Variants in PAPLN observed in about 807,000 individuals in gnomAD.
The protein encoded by PAPLN is papilin.
A neutral mutation model predicts 159.0 loss-of-function variants in PAPLN; 146 were observed. That is an observed-to-expected ratio of 0.92 (90% confidence interval 0.80 to 1.05). The LOEUF is 1.05. Ranked by LOEUF, PAPLN falls within the 50% of genes least tolerant of loss-of-function variation. The pLI, the probability that PAPLN is intolerant of heterozygous loss-of-function variation, is 0.00. For synonymous variants in PAPLN, 734 were observed against 702.9 expected (o/e 1.04, Z -0.70); for missense variants, 1,720 against 1,743.9 (o/e 0.99, Z 0.24).
chr14:73,254,713 C>T lies in PAPLN; in HGVS notation c.1485+18C>T. Reference sequence around the variant, plus strand: ...GGGGTCTAGTGAGTGCTCTCCACCCCCACACCTGCTGCCTGACCCTGGTCT... The same window carrying T: ...GGGGTCTAGTGAGTGCTCTCCACCCTCACACCTGCTGCCTGACCCTGGTCT... On this transcript the variant is annotated intron_variant, in intron 13 of 26. Coordinates refer to ENST00000644200, the MANE Select transcript of PAPLN (RefSeq NM_001365906.3). 1 of 1,609,870 alleles carries T rather than the reference C, an allele frequency of 6.2e-7. No homozygotes were observed. The highest frequency in any genetic ancestry group is 8.5e-7 in the Non-Finnish European group (1 of 1,177,228).
rs149765386 is a variant in PAPLN, at chr14:73,264,266, G to A, written c.2917G>A (p.Ala973Thr). 108 of 1,613,982 alleles carry A rather than the reference G, an allele frequency of 6.7e-5. No homozygotes were observed. The highest frequency in any genetic ancestry group is 2.8e-4 in the African/African-American group (21 of 75,018). ...CATCCACCCCCTGCAGGCAGAGGAC[G>A]CGGGCACCTACAGCTGTGGCAGCAC... Reference protein sequence around the residue: ...LIIHPLQAEDAGTYSCGSTRP... With the variant: ...LIIHPLQAEDTGTYSCGSTRP... Residue 973 changes from alanine to threonine, a missense_variant, in exon 21 of 27, where the codon GCG becomes ACG. Physicochemically the swap from Ala to Thr is moderately conservative, Grantham distance 58. Coordinates refer to ENST00000644200, the MANE Select transcript of PAPLN (RefSeq NM_001365906.3).
chr14:73,264,028 TCCACCTCCG>T (rs1886930686), intron 20 of PAPLN, 174 bp from the exon 21 acceptor site: 8 of 1,397,128 alleles, frequency 5.7e-6, no homozygotes, highest in East Asian at 3.4e-5. Context: ...GACAGCTCCC[TCCACCTCCG>T]CTGACAGGTG....
At chr14:73,263,829 CT>C (rs765564177) in intron 20 of PAPLN, 47 bp downstream of exon 20, 3 of 1,559,478 alleles carry the variant, frequency 1.9e-6, no homozygotes, top group Non-Finnish European at 2.6e-6. Flanking sequence ...GACAGCCCCC[CT>C]ACCTTCCCTG....
intron 2 of PAPLN, 145 bp downstream of exon 2, chr14:73,239,977 C>G: frequency 7.1e-7 from 1 of 1,410,258 alleles, no homozygotes; most frequent in Non-Finnish European, 9.2e-7. Flanking sequence ...CCGCTGAGCT[C>G]CCTCAGAAAG....
In PAPLN at chr14:73,253,796, A is replaced by G; in HGVS notation, c.1137A>G (p.Gly379=). ...GGGCACCCTGCTCAGCCTCCTGTGGAGGAGGCTCCCAGTCCCGCTCCGTGT... is the reference window on the plus strand; with the variant it reads ...GGGCACCCTGCTCAGCCTCCTGTGGGGGAGGCTCCCAGTCCCGCTCCGTGT... ...GPWAPCSASC[G]GGSQSRSVYC... Residue 379 remains glycine (G), a synonymous_variant, in exon 12 of 27, where the codon GGA becomes GGG. Transcript: ENST00000644200. 1 of 1,609,970 alleles carries G rather than the reference A, an allele frequency of 6.2e-7. No homozygotes were observed. Among genetic ancestry groups the G allele is most frequent in the Non-Finnish European group, 8.5e-7 (1 of 1,177,106 alleles).
At chr14:73,264,025 C>T (rs756343675) in intron 20 of PAPLN, 186 bp from the exon 21 acceptor site, 82 of 1,525,542 alleles carry the variant, frequency 5.4e-5, no homozygotes, top group Non-Finnish European at 4.7e-5. Context: ...CGTGACAGCT[C>T]CCTCCACCTC....
intron 22 of PAPLN, 29 bp downstream of exon 22, chr14:73,264,755 T>C (rs1249390491): frequency 1.2e-6 from 2 of 1,609,310 alleles, no homozygotes; most frequent in African/African-American, 1.3e-5. Flanking sequence ...CATCTTGCCC[T>C]CCCCCACGCC....
Position 73,250,949 on chromosome 14 carries a change from G to A in PAPLN, c.508G>A (p.Asp170Asn), listed in dbSNP as rs1242319744. ...DHELDSSKQE[D>N]KCLRCGGDGT... The stretch of plus-strand genomic sequence containing the variant: ...CGAGCTGGACTCGTCCAAGCAGGAG[G>A]ACAAGTGTCTGCGGTGTGGGGGTGA... The change falls in exon 7 of 27, where the codon GAC becomes AAC. Residue 170 changes from aspartate to asparagine, a missense_variant. By Grantham distance (23) the Asp-to-Asn change is conservative. Transcript: ENST00000644200. 1 of 1,613,796 alleles carries A rather than the reference G, an allele frequency of 6.2e-7. No individual in the cohort carries two copies. Among genetic ancestry groups the A allele is most frequent in the South Asian group, 1.1e-5 (1 of 91,070 alleles).
intron 26 of PAPLN, among the ~76,000 whole-genome samples, chr14:73,270,884 C>G (rs968022774): frequency 8.5e-5 from 13 of 152,100 alleles, no homozygotes; most frequent in Non-Finnish European, 1.5e-4. Flanking sequence ...GCTGCCTGAC[C>G]CTGCCCTACT....
rs180882201 is a variant in PAPLN, at chr14:73,239,969, G to T, written c.54+137G>T. ...GGCTGGGAGGAGGCGAGCCCGCACC[G>T]CTGAGCTCCCTCAGAAAGGGCTGGG... On this transcript the variant is annotated intron_variant, in intron 2 of 26. Transcript: ENST00000644200. The T allele has an allele frequency of 3.8e-4, 530 of 1,412,772 alleles. 7 individuals are homozygous for T. In the Admixed American group the frequency reaches 0.013, roughly 35 times the overall value. 87.5% of individuals were successfully genotyped at this position (1,412,772 alleles called of 1,614,324 possible).
rs761225533 is a variant in PAPLN, at chr14:73,246,092, G to A, written c.251G>A (p.Arg84Gln). ...CCGCAGAGCTGCCCCGACGGCGCCC[G>A]GGACTTCCGGGCCGAGCAGTGCGCG... ...CRTESCPDGARDFRAEQCAEF... is the reference protein window; with the variant it reads ...CRTESCPDGAQDFRAEQCAEF... Residue 84 changes from arginine to glutamine, a missense_variant, in exon 5 of 27, where the codon CGG (arginine) becomes CAG (glutamine). Physicochemically the swap from Arg to Gln is conservative, Grantham distance 43. Coordinates refer to ENST00000644200, the MANE Select transcript of PAPLN (RefSeq NM_001365906.3). The A allele has an allele frequency of 4.1e-5, 65 of 1,573,334 alleles. No individual in the cohort carries two copies. The East Asian group carries it at 6.4e-4, about 15-fold the overall frequency.
chr14:73,259,238 G>A lies in PAPLN; in HGVS notation c.1709-31G>A, dbSNP rs762308335. On this transcript the variant is annotated intron_variant, in intron 15 of 26. Transcript: ENST00000644200. ...GGTGGAGGGGAGGAGCCAGGTGGAC[G>A]CACTGTGTGTCTTTTGCTTCTTCTT... is the stretch of plus-strand genomic sequence containing the variant. 25 of 1,532,722 alleles carry A rather than the reference G, an allele frequency of 1.6e-5. No individual in the cohort carries two copies. In the South Asian group the frequency reaches 2.7e-4, roughly 16 times the overall value. The allele number at this position is 1,532,722 out of a possible 1,614,324, so 94.9% of individuals were successfully genotyped here.
In PAPLN at chr14:73,254,582, C is replaced by T. The variant is rs1215812399; in HGVS notation, c.1372C>T (p.Leu458Phe). 1.2e-6 allele frequency: 2 copies of T among 1,614,076 alleles called. No homozygotes were observed. The highest frequency in any genetic ancestry group is 1.7e-4 in the Middle Eastern group (1 of 6,060). ...VTCRGERGSL[L>F]HTAACSLEDR... ...TTGCCGGGGTGAAAGGGGTTCTTTG[C>T]TCCATACCGCAGCGTGCTCCTTGGA... is the stretch of plus-strand genomic sequence containing the variant. The change falls in exon 13 of 27, where the codon CTC becomes TTC. Residue 458 changes from leucine to phenylalanine, a missense_variant. Coordinates refer to ENST00000644200, the MANE Select transcript of PAPLN (RefSeq NM_001365906.3).
Position 73,266,534 on chromosome 14 carries a change from T to G in PAPLN, c.3297T>G (p.Ile1099Met). Residue 1099 changes from isoleucine (I) to methionine (M), a missense_variant, in exon 24 of 27, where the codon ATT becomes ATG. Coordinates refer to ENST00000644200, the MANE Select transcript of PAPLN (RefSeq NM_001365906.3). ...HQLQPDGSLV[I>M]SRVAVEDGGF... ...TGCAGCCTGATGGCTCCCTGGTCAT[T>G]AGCCGAGTGGCTGTAGAAGATGGCG... 6.2e-7 allele frequency: 1 copy of G among 1,614,162 alleles called. No homozygotes were observed. The highest frequency in any genetic ancestry group is 8.5e-7 in the Non-Finnish European group (1 of 1,180,012).
rs1276269970 is a variant in PAPLN, at chr14:73,264,300, G to C, written c.2951G>C (p.Gly984Ala). 15 of 1,613,844 alleles carry C rather than the reference G, an allele frequency of 9.3e-6. No individual in the cohort carries two copies. The highest frequency in any genetic ancestry group is 1.6e-4 in the Middle Eastern group (1 of 6,084). The change falls in exon 21 of 27, where the codon GGC becomes GCC. Residue 984 changes from glycine to alanine, a missense_variant. Coordinates refer to ENST00000644200, the MANE Select transcript of PAPLN (RefSeq NM_001365906.3). ...TACAGCTGTGGCAGCACCCGGCCAGGCCGCGACTCCCAGAAGATCCAACTT... is the reference window on the plus strand; with the variant it reads ...TACAGCTGTGGCAGCACCCGGCCAGCCCGCGACTCCCAGAAGATCCAACTT... ...GTYSCGSTRP[G>A]RDSQKIQLRI...
At position 73,266,703 on chromosome 14, in the gene PAPLN, T is replaced by A; in HGVS notation, c.3392-20T>A. 2 of 1,614,014 alleles carry A rather than the reference T, an allele frequency of 1.2e-6. No individual in the cohort carries two copies. The highest frequency in any genetic ancestry group is 1.7e-6 in the Non-Finnish European group (2 of 1,179,920). On this transcript the variant is annotated intron_variant, in intron 24 of 26. Transcript: ENST00000644200. ...GCAGGATCTTCATAGTGGCTGACAA[T>A]GACTTGTCCTTGTGCCCAGGGGAGC...
chr14:73,261,131 TC>T, intron 17 of PAPLN, 24 bp from the exon 18 acceptor site: 1 of 1,613,946 alleles, frequency 6.2e-7, no homozygotes, highest in Non-Finnish European at 8.5e-7. Context: ...ACTGCCCACT[TC>T]CCAATCATGG....
At chr14:73,271,519 T>TA (rs1887719232) in intron 26 of PAPLN, among the ~76,000 whole-genome samples, 1 of 151,484 alleles carries the variant, frequency 6.6e-6, no homozygotes, top group Non-Finnish European at 1.5e-5. Flanking sequence ...TTTTTTTTTT[T>TA]AAGACAGAAT....
rs1172221998 is a variant in PAPLN at position 73,245,786 on chromosome 14, G to A, written c.231+90G>A. ...TTGGGATGCCCGCTCCTGGCCGCGG[G>A]CTGCTGGGTTGGCCCAGCCTGGGGT... On this transcript the variant is annotated intron_variant, in intron 4 of 26. Transcript: ENST00000644200. This position sits in a 1 kb window ranked among gnomAD's most constrained non-coding sequence, Gnocchi z 4.2. 4 of 1,488,504 alleles carry A rather than the reference G, an allele frequency of 2.7e-6. No individual in the cohort carries two copies. Among genetic ancestry groups the A allele is most frequent in the Admixed American group, 2.0e-5 (1 of 49,832 alleles). The allele number at this position is 1,488,504 out of a possible 1,614,324, so 92.2% of individuals were successfully genotyped here.
Sources: allele counts gnomAD v4.1 joint callset (sites outside exome capture counted in the v4.1 genomes callset), GRCh38; gene constraint gnomAD v4.1.1; non-coding constraint Gnocchi (gnomAD v3.1); transcripts MANE v1.5; gene names NCBI Gene and HGNC (gene_info 2026-07-23, HGNC 2026-07-21).